PBRM1: variants seen among roughly 807,000 people sequenced by gnomAD.
The protein encoded by PBRM1 is polybromo 1.
A neutral mutation model predicts 194.5 loss-of-function variants in PBRM1; 27 were observed. The ratio of observed to expected loss-of-function variants is 0.14; its 90% confidence interval spans 0.10 to 0.19. The LOEUF (loss-of-function observed/expected upper bound fraction) is 0.19, where lower values mean the gene tolerates loss of function less well. PBRM1 is among the 10% of genes least tolerant of loss of function. The pLI, the probability that PBRM1 is intolerant of heterozygous loss-of-function variation, is 1.00. For missense variants in PBRM1, 1,466 were observed against 2,077.2 expected (o/e 0.71, Z 5.72); for synonymous variants, 655 against 693.2 (o/e 0.94, Z 0.87).
At chr3:52,597,588 G>C (rs1009784681) in intron 17 of PBRM1, among the ~76,000 whole-genome samples, 3 of 151,922 alleles carry the variant, frequency 2.0e-5, no homozygotes, top group African/African-American at 7.3e-5. Context: ...TTTTTTTACA[G>C]ACAGGGTTCA....
At chr3:52,628,558 C>A (rs1005103417) in intron 12 of PBRM1, among the ~76,000 whole-genome samples, 3 of 151,866 alleles carry the variant, frequency 2.0e-5, no homozygotes, top group African/African-American at 7.3e-5. Flanking sequence ...GCAACCTCCA[C>A]TTCCCAGGCT....
At chr3:52,610,218 G>A (rs2094538440) in intron 15 of PBRM1, among the ~76,000 whole-genome samples, 1 of 152,174 alleles carries the variant, frequency 6.6e-6, no homozygotes, top group Admixed American at 6.5e-5. Flanking sequence ...GTAGCTATGT[G>A]ACATTCTATC....
At chr3:52,601,109 G>A (rs1242589461) in intron 17 of PBRM1, among the ~76,000 whole-genome samples, 1 of 152,182 alleles carries the variant, frequency 6.6e-6, no homozygotes, top group Admixed American at 6.5e-5. Flanking sequence ...TTTCGTAGAA[G>A]AGGACTTCTC....
intron 19 of PBRM1, 60 bp from the exon 22 acceptor site, chr3:52,586,748 CAAAA>C (rs35352950): frequency 2.7e-3 from 490 of 179,332 alleles, no homozygotes; most frequent in South Asian, 4.9e-3. Flanking sequence ...GAAAATCAAT[CAAAA>C]AAAAAAAAAA....
chr3:52,569,535 C>G (rs2086390627), intron 22 of PBRM1, among the ~76,000 whole-genome samples: 1 of 151,988 alleles, frequency 6.6e-6, no homozygotes, highest in African/African-American at 2.4e-5. Flanking sequence ...AAAATGAGTT[C>G]ACATAGTATC....
rs755241328 is a variant in PBRM1, at chr3:52,637,773, C to CAAAAAAA, written c.1088-2965_1088-2959dup. Among the ~76,000 whole-genome samples, 32 of 42,232 alleles carry CAAAAAAA rather than the reference C, an allele frequency of 7.6e-4. 1 individual carries two copies. The highest frequency in any genetic ancestry group is 1.2e-3 in the African/African-American group (19 of 15,204). The allele number at this position is 42,232 out of a possible 152,430, so 27.7% of individuals were successfully genotyped here. On this transcript the variant is annotated intron_variant, in intron 10 of 29. Transcript: ENST00000296302. Reference sequence around the variant, plus strand: ...CAAAACCATGTCTCTACTAAAAATACAAAAAAAAAAAAAAAAAAAAAAAAT... The same window carrying CAAAAAAA: ...CAAAACCATGTCTCTACTAAAAATACAAAAAAAAAAAAAAAAAAAAAAAAAAAAAAAT...
intron 10 of PBRM1, among the ~76,000 whole-genome samples, chr3:52,641,344 G>T (rs1305694676): frequency 6.6e-6 from 1 of 151,288 alleles, no homozygotes; most frequent in Non-Finnish European, 1.5e-5. Flanking sequence ...TTACTCAGGA[G>T]GCTGAGGCAG....
intron 25 of PBRM1, among the ~76,000 whole-genome samples, chr3:52,559,829 T>C (rs931446441): frequency 5.4e-5 from 8 of 148,726 alleles, no homozygotes; most frequent in Non-Finnish European, 1.2e-4. Context: ...GAACAAACTA[T>C]TTACTTGAGC....
chr3:52,639,491 T>C (rs1029414245), intron 10 of PBRM1, among the ~76,000 whole-genome samples: 48 of 151,920 alleles, frequency 3.2e-4, no homozygotes, highest in Admixed American at 8.5e-4. Context: ...TCACGACTCA[T>C]TGTAGCCTCA....
At chr3:52,617,662 C>T in intron 13 of PBRM1, 124 bp from the exon 16 acceptor site, 2 of 695,562 alleles carry the variant, frequency 2.9e-6, no homozygotes, top group South Asian at 2.1e-5. Flanking sequence ...TTATTGATTA[C>T]ATATGCCACA....
chr3:52,586,486 T>A (rs377485917), exon 20 of PBRM1: 1 of 1,614,156 alleles, frequency 6.2e-7, no homozygotes, highest in Non-Finnish European at 8.5e-7. Context: ...ATTCTTCTCA[T>A]CATCACCTTT....
intron 17 of PBRM1, among the ~76,000 whole-genome samples, chr3:52,597,105 C>T (rs989072582): frequency 6.6e-6 from 1 of 152,184 alleles, no homozygotes; most frequent in African/African-American, 2.4e-5. Flanking sequence ...GCAAATCCCT[C>T]AATCACTGTG....
chr3:52,578,464 G>A (rs775860678), intron 21 of PBRM1, among the ~76,000 whole-genome samples: 22 of 152,184 alleles, frequency 1.4e-4, no homozygotes, highest in Non-Finnish European at 1.9e-4. Flanking sequence ...TAACAGAGCT[G>A]GGACTCAGGG....
intron 17 of PBRM1, 85 bp from the exon 20 acceptor site, chr3:52,589,340 A>G: frequency 2.7e-6 from 2 of 753,072 alleles, no homozygotes; most frequent in East Asian, 5.8e-5. Context: ...AACAACACAT[A>G]CTAATAATAC....
intron 2 of PBRM1, among the ~76,000 whole-genome samples, chr3:52,674,602 C>T (rs1450802252): frequency 2.3e-5 from 3 of 128,510 alleles, no homozygotes; most frequent in Admixed American, 8.2e-5. Flanking sequence ...CCAGCCTGGG[C>T]AACACAGGGA....
intron 2 of PBRM1, among the ~76,000 whole-genome samples, chr3:52,670,381 T>C (rs1298145235): frequency 2.0e-5 from 3 of 152,212 alleles, no homozygotes; most frequent in African/African-American, 7.2e-5. Flanking sequence ...AAAGTAAGAA[T>C]CATCCTTATA....
chr3:52,597,865 G>A (rs369345920), intron 17 of PBRM1, among the ~76,000 whole-genome samples: 54 of 152,160 alleles, frequency 3.5e-4, no homozygotes, highest in African/African-American at 1.3e-3. Context: ...CACCACACCC[G>A]GCTAATTTTT....
At chr3:52,603,414 C>A (rs1394522424) in intron 17 of PBRM1, 107 bp downstream of exon 19, 86 of 1,127,322 alleles carry the variant, frequency 7.6e-5, no homozygotes, top group Non-Finnish European at 1.0e-4. Context: ...ATAGTCAATA[C>A]CCTGAGTTTT....
At chr3:52,545,697 C>T (rs72947557), downstream of PBRM1, 2,081 of 233,180 alleles carry the variant, frequency 8.9e-3, 50 homozygotes, top group African/African-American at 0.043. Context: ...ACAGGTTCCC[C>T]TCAGTCCCCC....
Sources: allele counts gnomAD v4.1 joint callset (sites outside exome capture counted in the v4.1 genomes callset), GRCh38; gene constraint gnomAD v4.1.1; transcripts MANE v1.5; gene names NCBI Gene and HGNC (gene_info 2026-07-23, HGNC 2026-07-21).